Variants in SLC29A4 observed in about 807,000 individuals in gnomAD.
SLC29A4 encodes equilibrative nucleoside transporter 4.
In SLC29A4, 36 loss-of-function variants were observed where a neutral mutation model predicts 43.9. That is an observed-to-expected ratio of 0.82 (90% CI 0.63 to 1.08). The LOEUF (loss-of-function observed/expected upper bound fraction) is 1.08, where lower values mean the gene tolerates loss of function less well. SLC29A4 is among the 50% of genes least tolerant of loss of function. The pLI is 0.00. For missense variants in SLC29A4, 869 were observed against 755.3 expected (o/e 1.15, Z -1.77); for synonymous variants, 491 against 338.0 (o/e 1.45, Z -4.97).
chr7:5,297,141 G>C lies in SLC29A4; in HGVS notation c.825G>C (p.Leu275=). ...ACAGCCACCGGGGCAGGCCAGGCCTGGGCAGGGGCTATGGCTACCGCGTGC... is the reference window on the plus strand; with the variant it reads ...ACAGCCACCGGGGCAGGCCAGGCCTCGGCAGGGGCTATGGCTACCGCGTGC... The part of the protein sequence containing the change: ...PRDSHRGRPG[L]GRGYGYRVHH... The change falls in exon 7 of 11, where the codon CTG becomes CTC. Residue 275 remains leucine, a synonymous_variant. Transcript: ENST00000396872. 1 of 1,604,412 alleles carries C rather than the reference G, an allele frequency of 6.2e-7. No individual in the cohort carries two copies. Among genetic ancestry groups the C allele is most frequent in the Non-Finnish European group, 8.5e-7 (1 of 1,179,164 alleles).
At chr7:5,301,077 A>G (rs13246250) in intron 10 of SLC29A4, among the ~76,000 whole-genome samples, 35,011 of 151,964 alleles carry the variant, frequency 0.23, 4,292 homozygotes, top group Non-Finnish European at 0.26. Flanking sequence ...TGGGCAACAC[A>G]GTGAGAGCCT....
In SLC29A4 at chr7:5,305,784, C is replaced by A. The variant is rs1246530965; in HGVS notation, c.*2845C>A. ...GTTGGTCAGGCTGGTCTTGAACTCC[C>A]GACCTCAGGTGATCCACCTGCCTCA... On this transcript the variant is annotated 3_prime_UTR_variant, in exon 11 of 11. Coordinates refer to ENST00000396872, the MANE Select transcript of SLC29A4 (RefSeq NM_153247.4). 3 of 149,300 alleles carry A rather than the reference C, an allele frequency of 2.0e-5. No homozygotes were observed. The highest frequency in any genetic ancestry group is 2.5e-5 in the African/African-American group (1 of 40,406). 9.2% of individuals were successfully genotyped at this position (149,300 alleles called of 1,614,324 possible). A position where few individuals can be genotyped will look rare whatever the true frequency, so the allele number is the denominator to read the frequency against.
intron 2 of SLC29A4, among the ~76,000 whole-genome samples, chr7:5,290,267 G>A (rs1251819361): frequency 6.6e-6 from 1 of 152,174 alleles, no homozygotes; most frequent in African/African-American, 2.4e-5. Context: ...GTTTCACCGT[G>A]TTAGCCAGGA....
At chr7:5,297,567 C>T (rs1583671889) in intron 7 of SLC29A4, among the ~76,000 whole-genome samples, 2 of 152,240 alleles carry the variant, frequency 1.3e-5, no homozygotes, top group African/African-American at 2.4e-5. Context: ...GGTCTCAGCC[C>T]TCCTGGCTGC....
intron 5 of SLC29A4, 28 bp from the exon 6 acceptor site, chr7:5,294,832 T>A (rs1318254120): frequency 1.3e-6 from 2 of 1,509,812 alleles, no homozygotes; most frequent in African/African-American, 3.5e-5. Context: ...ATGGTGCCTC[T>A]GGGTTGTTCC....
intron 9 of SLC29A4, among the ~76,000 whole-genome samples, chr7:5,300,093 G>A (rs1009678686): frequency 8.5e-5 from 13 of 152,186 alleles, no homozygotes; most frequent in Non-Finnish European, 1.5e-4. Context: ...TCAGCCAGCC[G>A]TGGTGGTGCG....
Position 5,302,593 on chromosome 7 carries a change from T to C in SLC29A4, c.1451-204T>C, listed in dbSNP as rs548037007. Among the ~76,000 whole-genome samples the C allele has an allele frequency of 5.9e-5, 9 of 152,304 alleles. No individual in the cohort carries two copies. In the South Asian group the frequency reaches 1.9e-3, roughly 32 times the overall value. On this transcript the variant is annotated intron_variant, in intron 10 of 10. Transcript: ENST00000396872. Reference sequence around the variant, plus strand: ...GGACTCAGAGAAGGCAGGCAAGGCCTGGAGTGCATAGCAGATGGCCTCGGG... The same window carrying C: ...GGACTCAGAGAAGGCAGGCAAGGCCCGGAGTGCATAGCAGATGGCCTCGGG...
Position 5,299,094 on chromosome 7 carries a change from C to G in SLC29A4, c.989C>G (p.Pro330Arg), listed in dbSNP as rs761546089. ...GAYMRFDVPRPRVQRSWPTFR... is the reference protein window; with the variant it reads ...GAYMRFDVPRRRVQRSWPTFR... ...TACATGCGCTTTGATGTGCCGCGGC[C>G]AAGGGTCCAGCGCAGCTGGCCCACC... The change falls in exon 8 of 11, where the codon CCA (proline) becomes CGA (arginine). Residue 330 changes from proline (P) to arginine (R), a missense_variant. Coordinates refer to ENST00000396872, the MANE Select transcript of SLC29A4 (RefSeq NM_153247.4). 2 of 1,610,700 alleles carry G rather than the reference C, an allele frequency of 1.2e-6. No homozygotes were observed. The highest frequency in any genetic ancestry group is 8.5e-7 in the Non-Finnish European group (1 of 1,179,386).
intron 2 of SLC29A4, among the ~76,000 whole-genome samples, chr7:5,290,076 C>T (rs1399482045): frequency 1.2e-4 from 12 of 100,028 alleles, no homozygotes; most frequent in African/African-American, 3.1e-4. Context: ...TTTTTTGAGA[C>T]GGAGTCTCAC....
intron 2 of SLC29A4, 35 bp downstream of exon 2, chr7:5,288,020 C>T (rs769223517): frequency 1.3e-6 from 2 of 1,577,434 alleles, no homozygotes; most frequent in East Asian, 4.5e-5. Context: ...CGGGTCTTGC[C>T]CCAAAGCAGG....
At chr7:5,288,128 G>T (rs911870540) in intron 2 of SLC29A4, 143 bp downstream of exon 2, 20 of 1,126,304 alleles carry the variant, frequency 1.8e-5, no homozygotes, top group Non-Finnish European at 2.5e-5. Context: ...GATTAGATCT[G>T]CTGCATAACA....
chr7:5,293,163 T>C (rs1249522437), intron 5 of SLC29A4, among the ~76,000 whole-genome samples: 2 of 103,510 alleles, frequency 1.9e-5, no homozygotes, highest in African/African-American at 6.6e-5. Context: ...TTTTTTTCTC[T>C]TTTTTTTTTT....
rs1333632529 is a variant in SLC29A4, at chr7:5,303,302, C to G, written c.*363C>G. 1 of 327,660 alleles carries G rather than the reference C, an allele frequency of 3.1e-6. No homozygotes were observed. The allele number at this position is 327,660 out of a possible 1,614,324, so 20.3% of individuals were successfully genotyped here. On this transcript the variant is annotated 3_prime_UTR_variant, in exon 11 of 11. Coordinates refer to ENST00000396872, the MANE Select transcript of SLC29A4 (RefSeq NM_153247.4). ...GACAGCAGACACCCGCCAGAGTGTG[C>G]GCGCCCAGTGACTGCACCCCGGCCC...
In SLC29A4 at chr7:5,294,840, T is replaced by C. The variant is rs1367437453; in HGVS notation, c.545-20T>C. On this transcript the variant is annotated intron_variant, in intron 5 of 10. Coordinates refer to ENST00000396872, the MANE Select transcript of SLC29A4 (RefSeq NM_153247.4). ...GGTGATAATGGTGCCTCTGGGTTGT[T>C]CCTCTCTCTCTCTCTTAAGTGCAGC... 2 of 1,547,092 alleles carry C rather than the reference T, an allele frequency of 1.3e-6. No homozygotes were observed. The highest frequency in any genetic ancestry group is 1.7e-6 in the Non-Finnish European group (2 of 1,153,908).
intron 10 of SLC29A4, among the ~76,000 whole-genome samples, chr7:5,302,284 C>A (rs1190745814): frequency 6.6e-6 from 1 of 152,196 alleles, no homozygotes. Flanking sequence ...GGGTTAGGGC[C>A]AGGCTCACTG....
chr7:5,297,197 T>A lies in SLC29A4; in HGVS notation c.881T>A (p.Phe294Tyr). 1.9e-6 allele frequency: 3 copies of A among 1,582,740 alleles called. No individual in the cohort carries two copies. Among genetic ancestry groups the A allele is most frequent in the Non-Finnish European group, 2.6e-6 (3 of 1,169,476 alleles). ...HHDVVAGDVH[F>Y]EHPAPALAPN... ...GACGTTGTCGCCGGGGACGTCCACT[T>A]CGTAAGTGCGCACCGCCCACCTCTG... Residue 294 changes from phenylalanine to tyrosine, a missense_variant and splice_region_variant, in exon 7 of 11, where the codon TTC (phenylalanine) becomes TAC (tyrosine). Coordinates refer to ENST00000396872, the MANE Select transcript of SLC29A4 (RefSeq NM_153247.4).
At chr7:5,283,380 C>A (rs918622014) in intron 1 of SLC29A4, among the ~76,000 whole-genome samples, 4 of 151,810 alleles carry the variant, frequency 2.6e-5, no homozygotes, top group African/African-American at 7.3e-5. Context: ...CCTCCCCGGA[C>A]CCCCCCGCGC....
In SLC29A4 at chr7:5,296,837, C is replaced by CCT; in HGVS notation, c.620-99_620-98insCT. On this transcript the variant is annotated intron_variant, in intron 6 of 10. Transcript: ENST00000396872. Reference sequence around the variant, plus strand: ...CAGGGCCTGTGGTGGAGGGCGGGGCCGGTGGGGAGGGGTCTGTGTGTGGAC... The same window carrying CCT: ...CAGGGCCTGTGGTGGAGGGCGGGGCCCTGGTGGGGAGGGGTCTGTGTGTGGAC... 4.2e-6 allele frequency: 5 copies of CCT among 1,179,724 alleles called. No homozygotes were observed. The South Asian group carries it at 8.5e-5, about 20-fold the overall frequency. 73.1% of individuals were successfully genotyped at this position (1,179,724 alleles called of 1,614,324 possible).
intron 10 of SLC29A4, among the ~76,000 whole-genome samples, chr7:5,302,464 GC>G (rs1786235042): frequency 6.6e-6 from 1 of 152,180 alleles, no homozygotes; most frequent in Non-Finnish European, 1.5e-5. Context: ...GATCGCGTGA[GC>G]CCAGGAGGTC....
Sources: allele counts gnomAD v4.1 joint callset (sites outside exome capture counted in the v4.1 genomes callset), GRCh38; gene constraint gnomAD v4.1.1; transcripts MANE v1.5; gene names NCBI Gene and HGNC (gene_info 2026-07-23, HGNC 2026-07-21).